Variants in SYT1 observed in about 807,000 individuals in gnomAD.
SYT1 encodes synaptotagmin-1.
Under a neutral mutation model 44.8 loss-of-function variants are expected in SYT1, and 8 were observed. The observed-to-expected ratio is 0.18, with a 90% CI of 0.10 to 0.32. SYT1 has a LOEUF of 0.32. Among genes scored for constraint, SYT1 ranks in the 10% least tolerant of loss-of-function variants. SYT1 has a pLI of 1.00. For synonymous variants in SYT1, 154 were observed against 188.8 expected (o/e 0.82, Z 1.51); for missense variants, 286 against 509.3 (o/e 0.56, Z 4.22).
intron 1 of SYT1, among the ~76,000 whole-genome samples, chr12:78,965,575 C>T (rs902738008): frequency 6.6e-6 from 1 of 152,108 alleles, no homozygotes; most frequent in African/African-American, 2.4e-5. Flanking sequence ...ATCACTTTAA[C>T]TAGTCTTTGA....
At position 79,122,513 on chromosome 12, in the gene SYT1, CAAA is replaced by C. The variant is rs58384133; in HGVS notation, c.-18+75170_-18+75172del. ...TGGGCGACAGAGCGAGACTCCGTCTCAAAAAAAAAAAAAAAAAAAAAGAGATTC... is the reference window on the plus strand; with the variant it reads ...TGGGCGACAGAGCGAGACTCCGTCTCAAAAAAAAAAAAAAAAAAGAGATTC... On this transcript the variant is annotated intron_variant, in intron 3 of 10. Coordinates refer to ENST00000261205, the MANE Select transcript of SYT1 (RefSeq NM_005639.3). Among the ~76,000 whole-genome samples the C allele has an allele frequency of 1.4e-4, 9 of 65,014 alleles. No homozygotes were observed. The South Asian group carries it at 4.1e-3, about 29-fold the overall frequency. The allele number at this position is 65,014 out of a possible 152,430, so 42.7% of individuals were successfully genotyped here.
chr12:79,265,124 TAAC>T (rs1878053610), intron 4 of SYT1, among the ~76,000 whole-genome samples: 2 of 152,314 alleles, frequency 1.3e-5, no homozygotes, highest in South Asian at 2.1e-4. Flanking sequence ...CAAATGATAA[TAAC>T]TGGCATTTTT....
chr12:79,291,040 A>T (rs1879555939), intron 5 of SYT1, among the ~76,000 whole-genome samples: 1 of 152,220 alleles, frequency 6.6e-6, no homozygotes, highest in Non-Finnish European at 1.5e-5. Context: ...TCATGTACTT[A>T]TAACCTTTGA....
At chr12:78,886,564 A>G (rs1177554822) in intron 1 of SYT1, among the ~76,000 whole-genome samples, 1 of 151,964 alleles carries the variant, frequency 6.6e-6, no homozygotes, top group Non-Finnish European at 1.5e-5. Context: ...GATGTTTGTA[A>G]CCATATGCCT....
In SYT1 at chr12:79,315,725, T is replaced by C. The variant is rs560516249; in HGVS notation, c.810+16174T>C. ...ATCACACTCCTTATTACCATTTCTA[T>C]TGATATAAGGGCAGTACTAAGGTTC... On this transcript the variant is annotated intron_variant, in intron 8 of 10. Transcript: ENST00000261205. Among the ~76,000 whole-genome samples the C allele has an allele frequency of 3.3e-5, 5 of 152,284 alleles. No homozygotes were observed. In the East Asian group the frequency reaches 7.7e-4, roughly 24 times the overall value.
At chr12:79,127,780 C>T (rs989047510) in intron 3 of SYT1, among the ~76,000 whole-genome samples, 1 of 152,132 alleles carries the variant, frequency 6.6e-6, no homozygotes. Flanking sequence ...ACAATGGTTA[C>T]TTTGTCTTTA....
chr12:79,349,041 G>GAAAGAAAGAAAGAA (rs1565919938), intron 8 of SYT1, among the ~76,000 whole-genome samples: 130 of 113,034 alleles, frequency 1.2e-3, no homozygotes, highest in African/African-American at 4.1e-3. Context: ...GAAAAAGAAA[G>GAAAGAAAGAAAGAA]AAAGAAAGAA....
chr12:78,907,495 C>A (rs921133882), intron 1 of SYT1, among the ~76,000 whole-genome samples: 2 of 151,800 alleles, frequency 1.3e-5, no homozygotes, highest in Admixed American at 6.6e-5. Context: ...TAGTTAAGGA[C>A]CAAGAGATTG....
chr12:79,379,780 A>G (rs532215109), intron 9 of SYT1, among the ~76,000 whole-genome samples: 6 of 152,342 alleles, frequency 3.9e-5, no homozygotes, highest in Admixed American at 3.3e-4. Context: ...AAGGGAATTC[A>G]TTACCCAAAT....
chr12:78,981,611 G>A (rs754626541), intron 2 of SYT1, among the ~76,000 whole-genome samples: 4 of 152,016 alleles, frequency 2.6e-5, no homozygotes, highest in Non-Finnish European at 5.9e-5. Context: ...ATCTCTGAGT[G>A]GATTAACTCC....
intron 9 of SYT1, among the ~76,000 whole-genome samples, chr12:79,427,951 C>A (rs2136171048): frequency 6.6e-6 from 1 of 152,282 alleles, no homozygotes; most frequent in Admixed American, 6.5e-5. Flanking sequence ...TTTAATCCTT[C>A]TTTACACAAT....
At chr12:79,220,941 T>A (rs1306380667) in intron 4 of SYT1, among the ~76,000 whole-genome samples, 1 of 152,244 alleles carries the variant, frequency 6.6e-6, no homozygotes, top group African/African-American at 2.4e-5. Flanking sequence ...TCTGTTGGGC[T>A]GATTAGATGC....
At chr12:79,145,438 T>C (rs1869818950) in intron 3 of SYT1, among the ~76,000 whole-genome samples, 1 of 152,184 alleles carries the variant, frequency 6.6e-6, no homozygotes, top group South Asian at 2.1e-4. Context: ...TCTGATTCTT[T>C]CTATGACTTT....
intron 4 of SYT1, among the ~76,000 whole-genome samples, chr12:79,222,549 T>A (rs911610982): frequency 1.3e-5 from 2 of 151,768 alleles, no homozygotes; most frequent in Admixed American, 1.3e-4. Context: ...GCCCAGCTAA[T>A]TTTTTGTATT....
chr12:79,386,707 T>A (rs1300953117), intron 9 of SYT1, among the ~76,000 whole-genome samples: 1 of 152,234 alleles, frequency 6.6e-6, no homozygotes. Flanking sequence ...ATAATTTCTG[T>A]AACATCATAA....
chr12:79,308,356 C>G (rs1366498575), intron 8 of SYT1, among the ~76,000 whole-genome samples: 4 of 151,936 alleles, frequency 2.6e-5, no homozygotes, highest in Non-Finnish European at 5.9e-5. Context: ...GAAACCCTGT[C>G]TCCATTAAAA....
At chr12:78,923,328 A>G (rs999841364) in intron 1 of SYT1, among the ~76,000 whole-genome samples, 4 of 151,910 alleles carry the variant, frequency 2.6e-5, no homozygotes, top group Non-Finnish European at 5.9e-5. Flanking sequence ...GTTCTATATC[A>G]AAGCTCTTCA....
At chr12:79,231,715 T>G (rs982310155) in intron 4 of SYT1, among the ~76,000 whole-genome samples, 60 of 152,166 alleles carry the variant, frequency 3.9e-4, no homozygotes, top group African/African-American at 4.6e-4. Flanking sequence ...TAATGTAAAA[T>G]GTAAAAAATT....
chr12:79,349,629 A>T (rs1486758163), intron 8 of SYT1, among the ~76,000 whole-genome samples: 1 of 152,078 alleles, frequency 6.6e-6, no homozygotes, highest in African/African-American at 2.4e-5. Context: ...AGTAGACAAA[A>T]TTGTCAAGGA....
Sources: gnomAD v4.1 joint callset for allele counts (sites outside exome capture counted in the v4.1 genomes callset) on GRCh38, gnomAD v4.1.1 for gene constraint, MANE v1.5 for transcripts, NCBI Gene and HGNC (gene_info 2026-07-23, HGNC 2026-07-21) for gene names.